Variants in LRMDA observed in about 807,000 individuals in gnomAD.
LRMDA encodes leucine rich melanocyte differentiation associated, also known as leucine-rich melanocyte differentiation-associated protein.
In LRMDA, 18 loss-of-function variants were observed where a neutral mutation model predicts 29.8. The observed-to-expected ratio is 0.60, with a 90% confidence interval of 0.42 to 0.90. LRMDA has a LOEUF of 0.90. LRMDA is among the 40% of genes least tolerant of loss of function. The probability of loss-of-function intolerance (pLI) is 0.00; values close to 1 mark genes in which losing one functional copy is unlikely to be tolerated. For synonymous variants in LRMDA, 125 were observed against 109.4 expected (o/e 1.14, Z -0.89); for missense variants, 273 against 273.9 (o/e 1.00, Z 0.02).
chr10:76,153,201 A>G (rs1227339423), intron 5 of LRMDA, among the ~76,000 whole-genome samples: 1 of 152,118 alleles, frequency 6.6e-6, no homozygotes, highest in Admixed American at 6.5e-5. Context: ...AGAGTTCTTT[A>G]TATATTCTGG....
intron 5 of LRMDA, among the ~76,000 whole-genome samples, chr10:76,065,388 G>A (rs563840695): frequency 8.5e-5 from 13 of 152,332 alleles, no homozygotes; most frequent in African/African-American, 2.6e-4. Flanking sequence ...CCTCTTAGGG[G>A]CATTCCCAGG....
intron 2 of LRMDA, among the ~76,000 whole-genome samples, chr10:75,823,720 G>A (rs1844203950): frequency 8.7e-6 from 1 of 115,188 alleles, no homozygotes; most frequent in Non-Finnish European, 2.1e-5. Flanking sequence ...GTGTGTGTGT[G>A]TGTGTGTGTA....
chr10:76,207,010 A>C (rs1851549023), intron 5 of LRMDA, among the ~76,000 whole-genome samples: 1 of 152,204 alleles, frequency 6.6e-6, no homozygotes, highest in Non-Finnish European at 1.5e-5. Context: ...CATATGGAGG[A>C]AACTGCAGTT....
In LRMDA at chr10:76,316,679, G is replaced by A. The variant is rs149527516; in HGVS notation, c.517-7722G>A. ...TATAAAATGCCTGCATATAATTAAT[G>A]CCAGAAATGTGATGTACACACACCC... On this transcript the variant is annotated intron_variant, in intron 5 of 6. Transcript: ENST00000611255. 2.9e-3 allele frequency among the ~76,000 whole-genome samples: 440 copies of A among 152,292 alleles called. 1 individual carries two copies. The highest frequency in any genetic ancestry group is 5.6e-3 in the Non-Finnish European group (379 of 68,032).
At chr10:75,888,201 C>T (rs1164385305) in intron 2 of LRMDA, among the ~76,000 whole-genome samples, 2 of 152,162 alleles carry the variant, frequency 1.3e-5, no homozygotes, top group African/African-American at 4.8e-5. Flanking sequence ...GCCACAGAGG[C>T]CTGGCAACAG....
intron 2 of LRMDA, among the ~76,000 whole-genome samples, chr10:75,968,255 TG>T (rs1022714700): frequency 4.0e-5 from 6 of 151,362 alleles, no homozygotes; most frequent in Non-Finnish European, 8.8e-5. Flanking sequence ...TCCGGAGGAG[TG>T]GCTGCTCATA....
chr10:76,082,960 A>C (rs1849071884), intron 5 of LRMDA, among the ~76,000 whole-genome samples: 1 of 152,208 alleles, frequency 6.6e-6, no homozygotes, highest in Non-Finnish European at 1.5e-5. Flanking sequence ...GGAGATTGGA[A>C]GGTAGAATGT....
intron 5 of LRMDA, among the ~76,000 whole-genome samples, chr10:76,258,319 AT>A (rs199674403): frequency 0.049 from 7,456 of 151,818 alleles, 228 homozygotes; most frequent in Non-Finnish European, 0.072. Flanking sequence ...AATTAAATGT[AT>A]TTTTTTTACT....
At chr10:76,204,997 A>G (rs528110378) in intron 5 of LRMDA, among the ~76,000 whole-genome samples, 5 of 152,296 alleles carry the variant, frequency 3.3e-5, no homozygotes, top group African/African-American at 1.2e-4. Context: ...ATATTTGACA[A>G]ATGAGGGCCC....
At chr10:75,981,850 C>CA (rs10570078) in intron 2 of LRMDA, among the ~76,000 whole-genome samples, 39 of 116,426 alleles carry the variant, frequency 3.3e-4, no homozygotes, top group Admixed American at 1.4e-3. Context: ...GACTCCATCT[C>CA]AAAAAAAAAA....
chr10:75,757,666 G>T (rs1843048871), intron 2 of LRMDA, among the ~76,000 whole-genome samples: 1 of 152,118 alleles, frequency 6.6e-6, no homozygotes, highest in Admixed American at 6.5e-5. Flanking sequence ...AGTTAAGATG[G>T]TATGTACGGT....
At chr10:76,222,576 ATCTCACAC>A (rs1317433746) in intron 5 of LRMDA, among the ~76,000 whole-genome samples, 1 of 152,242 alleles carries the variant, frequency 6.6e-6, no homozygotes, top group Admixed American at 6.5e-5. Flanking sequence ...GTGAGATATC[ATCTCACAC>A]CAGTTAGGAT....
intron 2 of LRMDA, among the ~76,000 whole-genome samples, chr10:75,591,111 T>C (rs1840719480): frequency 6.6e-6 from 1 of 152,146 alleles, no homozygotes; most frequent in South Asian, 2.1e-4. Context: ...GCATGGTGGC[T>C]CATGCCTATA....
chr10:75,980,748 T>C (rs571276137), intron 2 of LRMDA, among the ~76,000 whole-genome samples: 12 of 152,352 alleles, frequency 7.9e-5, no homozygotes, highest in African/African-American at 2.6e-4. Context: ...TTACTCTTCT[T>C]ACAAATTGTA....
At chr10:76,209,436 T>C (rs558667044) in intron 5 of LRMDA, among the ~76,000 whole-genome samples, 108 of 152,272 alleles carry the variant, frequency 7.1e-4, no homozygotes, top group South Asian at 6.4e-3. Flanking sequence ...CTTCGTCTTC[T>C]GTTGGGGGTG....
intron 2 of LRMDA, among the ~76,000 whole-genome samples, chr10:75,535,976 G>C (rs1839939411): frequency 6.6e-6 from 1 of 152,198 alleles, no homozygotes. Flanking sequence ...CAATCCTGTA[G>C]AATGAGAGGT....
chr10:75,434,885 C>A (rs999297244), intron 1 of LRMDA, among the ~76,000 whole-genome samples: 2 of 152,228 alleles, frequency 1.3e-5, no homozygotes, highest in East Asian at 3.8e-4. Flanking sequence ...AGAGTCCCAA[C>A]GCAAAGTGAA....
intron 2 of LRMDA, among the ~76,000 whole-genome samples, chr10:76,034,183 A>G (rs747052261): frequency 6.6e-6 from 1 of 152,014 alleles, no homozygotes; most frequent in Non-Finnish European, 1.5e-5. Flanking sequence ...GTGGGTTTTT[A>G]AATTTTTTTT....
At chr10:75,441,318 C>T (rs1844324419) in intron 2 of LRMDA, among the ~76,000 whole-genome samples, 2 of 152,176 alleles carry the variant, frequency 1.3e-5, no homozygotes, top group South Asian at 4.1e-4. Context: ...CCCGGCACAC[C>T]GCAGCTCCCT....
Sources: gnomAD v4.1 joint callset for allele counts (sites outside exome capture counted in the v4.1 genomes callset) on GRCh38, gnomAD v4.1.1 for gene constraint, MANE v1.5 for transcripts, NCBI Gene and HGNC (gene_info 2026-07-23, HGNC 2026-07-21) for gene names.